LRRIQ1: variants seen among roughly 807,000 people sequenced by gnomAD.
LRRIQ1 encodes leucine-rich repeat- and IQ domain-containing protein 1.
In LRRIQ1, 210 loss-of-function variants were observed where a neutral mutation model predicts 211.9. The observed-to-expected ratio is 0.99, with a 90% CI of 0.89 to 1.11. The LOEUF (loss-of-function observed/expected upper bound fraction) is 1.11, where lower values mean the gene tolerates loss of function less well. Among genes scored for constraint, LRRIQ1 ranks in the 50% most tolerant of loss-of-function variants. The pLI is 0.00. For missense variants in LRRIQ1, 2,136 were observed against 1,939.5 expected (o/e 1.10, Z -1.90); for synonymous variants, 699 against 650.1 (o/e 1.08, Z -1.14).
chr12:85,169,372 G>A (rs1352780619), intron 24 of LRRIQ1, among the ~76,000 whole-genome samples: 2 of 151,960 alleles, frequency 1.3e-5, no homozygotes, highest in Non-Finnish European at 1.5e-5. Flanking sequence ...AAGATCAGGA[G>A]CTATGTTTTG....
At chr12:85,122,454 C>CAGAA (rs1888056214) in intron 16 of LRRIQ1, among the ~76,000 whole-genome samples, 2 of 152,042 alleles carry the variant, frequency 1.3e-5, no homozygotes, top group Non-Finnish European at 2.9e-5. Flanking sequence ...ACCTCGAATT[C>CAGAA]TGAATGCATT....
At chr12:85,052,760 T>G (rs1171645994) in intron 7 of LRRIQ1, among the ~76,000 whole-genome samples, 2 of 152,064 alleles carry the variant, frequency 1.3e-5, no homozygotes, top group African/African-American at 4.8e-5. Flanking sequence ...TTTTTAAAAT[T>G]TATATAAACC....
At position 85,056,369 on chromosome 12, in the gene LRRIQ1, C is replaced by A; in HGVS notation, c.1576C>A (p.Pro526Thr). The change falls in exon 8 of 27, where the codon CCA becomes ACA. Residue 526 changes from proline to threonine, a missense_variant. Pro to Thr is a conservative substitution (Grantham distance 38). Coordinates refer to ENST00000393217, the MANE Select transcript of LRRIQ1 (RefSeq NM_001079910.2). The part of the protein sequence containing the change: ...DLKGNLKEQF[P>T]LQELKSDAQK... Reference sequence around the variant, plus strand: ...AAAAGGAAATCTGAAAGAACAGTTTCCATTGCAAGAATTAAAGTCTGATGC... The same window carrying A: ...AAAAGGAAATCTGAAAGAACAGTTTACATTGCAAGAATTAAAGTCTGATGC... 6.3e-7 allele frequency: 1 copy of A among 1,591,324 alleles called. No homozygotes were observed. Among genetic ancestry groups the A allele is most frequent in the Non-Finnish European group, 8.5e-7 (1 of 1,173,998 alleles).
intron 13 of LRRIQ1, among the ~76,000 whole-genome samples, chr12:85,102,896 C>A: frequency 7.2e-6 from 1 of 138,444 alleles, no homozygotes; most frequent in African/African-American, 2.7e-5. Flanking sequence ...TTTTGAACAG[C>A]TATGGAATTA....
At chr12:85,079,965 T>G (rs1356350940) in intron 11 of LRRIQ1, among the ~76,000 whole-genome samples, 1 of 152,122 alleles carries the variant, frequency 6.6e-6, no homozygotes, top group East Asian at 1.9e-4. Flanking sequence ...TCTACAATGT[T>G]CCTTCTGCCC....
At position 85,073,025 on chromosome 12, in the gene LRRIQ1, G is replaced by T; in HGVS notation, c.2814G>T (p.Trp938Cys). Reference protein sequence around the residue: ...AQVWIPTGLCWSWIPITSLTK... With the variant: ...AQVWIPTGLCCSWIPITSLTK... ...TCTGGATTCCAACTGGATTATGTTGGTCCTGGATACCTATTACCTCACTTA... is the reference window on the plus strand; with the variant it reads ...TCTGGATTCCAACTGGATTATGTTGTTCCTGGATACCTATTACCTCACTTA... Residue 938 changes from tryptophan to cysteine, a missense_variant, in exon 11 of 27, where the codon TGG becomes TGT. Physicochemically the swap from Trp to Cys is radical, Grantham distance 215. Transcript: ENST00000393217. 6.2e-7 allele frequency: 1 copy of T among 1,612,280 alleles called. No homozygotes were observed.
At chr12:85,192,182 T>C (rs2136944141) in intron 24 of LRRIQ1, among the ~76,000 whole-genome samples, 1 of 151,206 alleles carries the variant, frequency 6.6e-6, no homozygotes, top group South Asian at 2.1e-4. Context: ...AAGTAGGCCC[T>C]GATGTCTGCT....
At chr12:85,183,212 A>G (rs1044086534) in intron 24 of LRRIQ1, among the ~76,000 whole-genome samples, 1 of 152,144 alleles carries the variant, frequency 6.6e-6, no homozygotes, top group African/African-American at 2.4e-5. Context: ...CTTGTATTTG[A>G]TGCAGTTTTC....
chr12:85,136,153 C>T (rs1026403758), intron 18 of LRRIQ1, among the ~76,000 whole-genome samples: 1 of 150,980 alleles, frequency 6.6e-6, no homozygotes, highest in African/African-American at 2.4e-5. Flanking sequence ...CCTCACTCCT[C>T]CAACCTGCGT....
intron 24 of LRRIQ1, among the ~76,000 whole-genome samples, chr12:85,173,312 T>C (rs897009046): frequency 3.3e-5 from 5 of 152,210 alleles, no homozygotes; most frequent in Admixed American, 1.3e-4. Context: ...TAGGAATGTA[T>C]ATTAAATGCT....
chr12:85,069,150 C>G (rs1208436406), intron 10 of LRRIQ1, among the ~76,000 whole-genome samples: 1 of 133,588 alleles, frequency 7.5e-6, no homozygotes, highest in African/African-American at 2.8e-5. Flanking sequence ...TCCATGTGTT[C>G]TCATTGTTCA....
chr12:85,228,423 GC>G (rs1894773699), intron 24 of LRRIQ1, among the ~76,000 whole-genome samples: 1 of 152,166 alleles, frequency 6.6e-6, no homozygotes, highest in African/African-American at 2.4e-5. Context: ...GGAAGAGTTG[GC>G]CTAAGTTCAG....
intron 18 of LRRIQ1, among the ~76,000 whole-genome samples, chr12:85,130,039 G>T (rs1016903746): frequency 6.6e-6 from 1 of 152,104 alleles, no homozygotes; most frequent in Admixed American, 6.6e-5. Flanking sequence ...TATTTAGGAA[G>T]AGCAACTGGA....
chr12:85,130,316 C>A (rs1888659929), intron 18 of LRRIQ1, among the ~76,000 whole-genome samples: 2 of 152,154 alleles, frequency 1.3e-5, no homozygotes, highest in Admixed American at 6.5e-5. Context: ...AAAGAAACTT[C>A]ACTTACTATC....
chr12:85,098,848 G>A lies in LRRIQ1; in HGVS notation c.3082-19G>A. ...AATATTTTGCTTAATATAAACTAAT[G>A]AACCAAATTTAAATATAGCTTCCAT... On this transcript the variant is annotated intron_variant, in intron 12 of 26. Transcript: ENST00000393217. 1.3e-6 allele frequency: 2 copies of A among 1,514,668 alleles called. No individual in the cohort carries two copies. Among genetic ancestry groups the A allele is most frequent in the Non-Finnish European group, 1.8e-6 (2 of 1,125,956 alleles). 93.8% of individuals were successfully genotyped at this position (1,514,668 alleles called of 1,614,324 possible).
At chr12:85,221,952 T>C (rs1000330859) in intron 24 of LRRIQ1, among the ~76,000 whole-genome samples, 1 of 152,074 alleles carries the variant, frequency 6.6e-6, no homozygotes, top group African/African-American at 2.4e-5. Context: ...TTGCAGTAAT[T>C]CAGTAGAAAC....
intron 1 of LRRIQ1, among the ~76,000 whole-genome samples, chr12:85,256,816 A>T (rs190198645): frequency 3.2e-4 from 48 of 150,868 alleles, no homozygotes; most frequent in Non-Finnish European, 6.7e-4. Context: ...TAGAAGAAAG[A>T]TTTTAAATTA....
intron 24 of LRRIQ1, among the ~76,000 whole-genome samples, chr12:85,217,648 GTATATGTA>G (rs995151513): frequency 9.0e-5 from 12 of 133,126 alleles, no homozygotes; most frequent in South Asian, 2.3e-4. Flanking sequence ...ATATATATGT[GTATATGTA>G]TATATGTATA....
chr12:85,050,481 T>C (rs1880172856), intron 6 of LRRIQ1, among the ~76,000 whole-genome samples: 1 of 152,230 alleles, frequency 6.6e-6, no homozygotes. Flanking sequence ...TTCTGAGTTG[T>C]TCTTCCCTGG....
Sources: gnomAD v4.1 joint callset for allele counts (sites outside exome capture counted in the v4.1 genomes callset) on GRCh38, gnomAD v4.1.1 for gene constraint, MANE v1.5 for transcripts, NCBI Gene and HGNC (gene_info 2026-07-23, HGNC 2026-07-21) for gene names.